The following PLCB1 variants were observed in gnomAD, a reference collection of about 807,000 sequenced individuals.
PLCB1 encodes 1-phosphatidylinositol 4,5-bisphosphate phosphodiesterase beta-1.
PLCB1 carries 46 observed loss-of-function variants against 161.8 expected under a neutral mutation model. The observed-to-expected ratio is 0.28, with a 90% confidence interval of 0.22 to 0.36. The LOEUF (loss-of-function observed/expected upper bound fraction) is 0.36. Among genes scored for constraint, PLCB1 ranks in the 10% least tolerant of loss-of-function variants. The pLI, the probability that PLCB1 is intolerant of heterozygous loss-of-function variation, is 1.00. For synonymous variants in PLCB1, 517 were observed against 503.7 expected (o/e 1.03, Z -0.35); for missense variants, 1,016 against 1,472.5 (o/e 0.69, Z 5.07).
chr20:8,756,104 T>G lies in PLCB1; in HGVS notation c.2524-942T>G, dbSNP rs555752792. 9.7e-4 allele frequency among the ~76,000 whole-genome samples: 148 copies of G among 152,270 alleles called. 1 individual carries two copies. Among genetic ancestry groups the G allele is most frequent in the South Asian group, 7.0e-3 (34 of 4,824 alleles). On this transcript the variant is annotated intron_variant, in intron 23 of 31. Transcript: ENST00000338037. ...AGGGTTTTTTGGGTTTTTGTGGGTG[T>G]TGTTGTTGTTTTAATATAAGGGACT...
At chr20:8,534,825 G>A (rs532273458) in intron 3 of PLCB1, among the ~76,000 whole-genome samples, 100 of 152,254 alleles carry the variant, frequency 6.6e-4, no homozygotes, top group African/African-American at 2.3e-3. Flanking sequence ...ATCTTGACAG[G>A]TGTAGACACA....
intron 2 of PLCB1, among the ~76,000 whole-genome samples, chr20:8,333,568 A>C (rs562118440): frequency 6.6e-6 from 1 of 152,298 alleles, no homozygotes; most frequent in Non-Finnish European, 1.5e-5. Context: ...AACTTATGAG[A>C]GGTTGCTACT....
At chr20:8,377,299 C>T (rs551772051) in intron 3 of PLCB1, among the ~76,000 whole-genome samples, 2 of 152,118 alleles carry the variant, frequency 1.3e-5, no homozygotes, top group African/African-American at 2.4e-5. Context: ...TCCTCTTTGC[C>T]GGGGATACAG....
At chr20:8,464,427 A>T (rs1386936913) in intron 3 of PLCB1, among the ~76,000 whole-genome samples, 2 of 152,208 alleles carry the variant, frequency 1.3e-5, no homozygotes, top group South Asian at 4.1e-4. Context: ...CCCTCCAACA[A>T]CTTTCTTATG....
intron 19 of PLCB1, among the ~76,000 whole-genome samples, chr20:8,735,943 T>G (rs1980557657): frequency 6.6e-6 from 1 of 152,218 alleles, no homozygotes; most frequent in Admixed American, 6.5e-5. Context: ...GACTTTGACT[T>G]TACTCAGCCT....
chr20:8,240,156 A>G (rs1481956338), intron 2 of PLCB1, among the ~76,000 whole-genome samples: 1 of 151,740 alleles, frequency 6.6e-6, no homozygotes, highest in Non-Finnish European at 1.5e-5. Context: ...TTTTTCATGA[A>G]AAAAAACAAA....
intron 12 of PLCB1, among the ~76,000 whole-genome samples, chr20:8,712,323 G>T (rs1471171766): frequency 2.0e-5 from 3 of 151,898 alleles, no homozygotes; most frequent in Non-Finnish European, 4.4e-5. Context: ...AAAAAAGAAA[G>T]AAAAAATGAG....
At chr20:8,668,397 G>A (rs1301164416) in intron 9 of PLCB1, among the ~76,000 whole-genome samples, 9 of 152,118 alleles carry the variant, frequency 5.9e-5, no homozygotes, top group Non-Finnish European at 1.2e-4. Flanking sequence ...ATTTTAACAG[G>A]AGAGTTAATT....
At chr20:8,676,546 A>C (rs1990081083) in intron 9 of PLCB1, among the ~76,000 whole-genome samples, 1 of 152,226 alleles carries the variant, frequency 6.6e-6, no homozygotes, top group South Asian at 2.1e-4. Context: ...GCTGGCATCC[A>C]GGCCTTCACT....
chr20:8,660,613 G>A (rs1336404300), intron 9 of PLCB1, among the ~76,000 whole-genome samples: 1 of 151,998 alleles, frequency 6.6e-6, no homozygotes, highest in East Asian at 1.9e-4. Flanking sequence ...AGAAAAAATT[G>A]TGATAGATTA....
In PLCB1 at chr20:8,728,932, G is replaced by C. The variant is rs750022766; in HGVS notation, c.1764-118G>C. On this transcript the variant is annotated intron_variant, in intron 17 of 31. Coordinates refer to ENST00000338037, the MANE Select transcript of PLCB1 (RefSeq NM_015192.4). The stretch of plus-strand genomic sequence containing the variant: ...ACTAAATATCCCAAAGTAGCCCAAC[G>C]AGATCATCAATATTTACTTCATTTT... 5.2e-6 allele frequency: 3 copies of C among 581,978 alleles called. No individual in the cohort carries two copies. In the African/African-American group the frequency reaches 5.8e-5, roughly 11 times the overall value. The allele number at this position is 581,978 out of a possible 1,614,324, so 36.1% of individuals were successfully genotyped here.
intron 11 of PLCB1, 71 bp downstream of exon 11, chr20:8,697,854 G>A: frequency 1.4e-6 from 2 of 1,399,474 alleles, no homozygotes; most frequent in Non-Finnish European, 2.0e-6. Context: ...AGCCTCCTAA[G>A]GTAGAAAGTC....
chr20:8,448,558 C>T (rs1296944284), intron 3 of PLCB1, among the ~76,000 whole-genome samples: 1 of 152,140 alleles, frequency 6.6e-6, no homozygotes, highest in East Asian at 1.9e-4. Flanking sequence ...TGTGAAAATC[C>T]TTTCTTATAA....
At position 8,622,264 on chromosome 20, in the gene PLCB1, A is replaced by T. The variant is rs543815052; in HGVS notation, c.247-6030A>T. 2.7e-3 allele frequency among the ~76,000 whole-genome samples: 413 copies of T among 152,278 alleles called. 1 individual carries two copies. The highest frequency in any genetic ancestry group is 4.4e-3 in the Admixed American group (67 of 15,298). On this transcript the variant is annotated intron_variant, in intron 3 of 31. Coordinates refer to ENST00000338037, the MANE Select transcript of PLCB1 (RefSeq NM_015192.4). ...CAAGACTCTGCCTCAGGAAAAAAAA[A>T]AAAAAAGAATCTTAGTAGCCTATCT...
intron 2 of PLCB1, among the ~76,000 whole-genome samples, chr20:8,298,496 A>AT (rs1230415775): frequency 2.6e-5 from 4 of 151,210 alleles, no homozygotes; most frequent in African/African-American, 9.7e-5. Context: ...TCTAATATTT[A>AT]TTTTTTTAAA....
intron 2 of PLCB1, among the ~76,000 whole-genome samples, chr20:8,364,244 A>C (rs1396927643): frequency 6.6e-6 from 1 of 152,222 alleles, no homozygotes; most frequent in East Asian, 1.9e-4. Context: ...CAATGAAGGA[A>C]GCAAGGAAAT....
chr20:8,655,100 T>C (rs952696822), intron 7 of PLCB1, among the ~76,000 whole-genome samples: 4 of 152,034 alleles, frequency 2.6e-5, no homozygotes, highest in Non-Finnish European at 5.9e-5. Context: ...GAAAATAATG[T>C]TGTGTTTATT....
intron 1 of PLCB1, among the ~76,000 whole-genome samples, chr20:8,139,204 A>G (rs1214818010): frequency 6.8e-6 from 1 of 148,126 alleles, no homozygotes; most frequent in East Asian, 2.0e-4. Flanking sequence ...CTCGTGCCTC[A>G]GCCTCCGGAG....
chr20:8,298,096 A>G (rs1568622302), intron 2 of PLCB1, among the ~76,000 whole-genome samples: 1 of 151,846 alleles, frequency 6.6e-6, no homozygotes, highest in Non-Finnish European at 1.5e-5. Flanking sequence ...GGAGTTCAAG[A>G]CCAGCCTGAA....
Sources: allele counts gnomAD v4.1 joint callset (sites outside exome capture counted in the v4.1 genomes callset), GRCh38; gene constraint gnomAD v4.1.1; transcripts MANE v1.5; gene names NCBI Gene and HGNC (gene_info 2026-07-23, HGNC 2026-07-21).